The following PPARGC1A variants were observed in gnomAD, a reference collection of about 807,000 sequenced individuals.
PPARGC1A encodes peroxisome proliferator-activated receptor gamma coactivator 1-alpha.
PPARGC1A carries 25 observed loss-of-function variants against 88.7 expected under a neutral mutation model. The ratio of observed to expected loss-of-function variants is 0.28; its 90% confidence interval spans 0.21 to 0.39. The LOEUF (loss-of-function observed/expected upper bound fraction) is 0.39, where lower values mean the gene tolerates loss of function less well. Among genes scored for constraint, PPARGC1A ranks in the 10% least tolerant of loss-of-function variants. The probability of loss-of-function intolerance (pLI) is 1.00; values close to 1 mark genes in which losing one functional copy is unlikely to be tolerated. For synonymous variants in PPARGC1A, 363 were observed against 355.6 expected (o/e 1.02, Z -0.24); for missense variants, 880 against 968.7 (o/e 0.91, Z 1.22).
chr4:24,450,048 T>C, the PPARGC1A span, among the ~76,000 whole-genome samples: 1 of 152,180 alleles, frequency 6.6e-6, no homozygotes. Context: ...AACAAAGAAA[T>C]AAATGTGTTG....
chr4:24,180,371 G>C, the PPARGC1A span, among the ~76,000 whole-genome samples: 1 of 151,970 alleles, frequency 6.6e-6, no homozygotes, highest in African/African-American at 2.4e-5. Flanking sequence ...TCATAAACTG[G>C]TTACATTTTT....
chr4:24,075,095 C>G, the PPARGC1A span, among the ~76,000 whole-genome samples: 1 of 152,110 alleles, frequency 6.6e-6, no homozygotes, highest in East Asian at 1.9e-4. Context: ...AATTCTACAC[C>G]CTTTGCAGAA....
At chr4:24,149,867 CT>C in the PPARGC1A span, among the ~76,000 whole-genome samples, 1 of 152,170 alleles carries the variant, frequency 6.6e-6, no homozygotes, top group South Asian at 2.1e-4. Flanking sequence ...AAATCTAAAT[CT>C]AATTTTTCAT....
chr4:23,896,275 G>A (rs1460970994), intron 1 of PPARGC1A, among the ~76,000 whole-genome samples: 2 of 151,934 alleles, frequency 1.3e-5, no homozygotes, highest in African/African-American at 4.8e-5. Flanking sequence ...TTATAAACAT[G>A]CATGACTTTT....
intron 2 of PPARGC1A, among the ~76,000 whole-genome samples, chr4:23,873,208 AATAAAAAATAAAAAAT>A (rs1233748144): frequency 3.5e-5 from 5 of 140,986 alleles, no homozygotes; most frequent in East Asian, 2.1e-4. Flanking sequence ...AAAAATAAAA[AATAAAAAATAAAAAAT>A]AAAGAAAAAA....
the PPARGC1A span, among the ~76,000 whole-genome samples, chr4:24,148,940 T>C: frequency 4.6e-5 from 7 of 152,212 alleles, no homozygotes; most frequent in African/African-American, 1.7e-4. Flanking sequence ...ACACATGTGT[T>C]TGATTTATCT....
chr4:24,402,866 G>A, the PPARGC1A span, among the ~76,000 whole-genome samples: 19 of 152,200 alleles, frequency 1.2e-4, no homozygotes, highest in Non-Finnish European at 1.8e-4. Flanking sequence ...TAGATTGTAC[G>A]CCCTACTTGG....
the PPARGC1A span, among the ~76,000 whole-genome samples, chr4:23,930,374 A>G: frequency 6.6e-6 from 1 of 152,140 alleles, no homozygotes; most frequent in Admixed American, 6.5e-5. Flanking sequence ...TGTCAATCAT[A>G]TTGTGGGGAG....
chr4:24,418,225 T>C, the PPARGC1A span, among the ~76,000 whole-genome samples: 3 of 152,148 alleles, frequency 2.0e-5, no homozygotes, highest in Non-Finnish European at 4.4e-5. Flanking sequence ...CCCCACCCCA[T>C]AGAACTTGGC....
At chr4:24,384,061 A>G in the PPARGC1A span, among the ~76,000 whole-genome samples, 1 of 152,186 alleles carries the variant, frequency 6.6e-6, no homozygotes, top group African/African-American at 2.4e-5. Flanking sequence ...AAACCAGAAG[A>G]GAGTGGGGGC....
chr4:23,949,792 A>G, the PPARGC1A span, among the ~76,000 whole-genome samples: 1 of 152,166 alleles, frequency 6.6e-6, no homozygotes, highest in African/African-American at 2.4e-5. Flanking sequence ...CTGAGGCAGT[A>G]TCCACAAGTG....
chr4:24,137,879 CT>C, the PPARGC1A span, among the ~76,000 whole-genome samples: 1 of 152,170 alleles, frequency 6.6e-6, no homozygotes, highest in Non-Finnish European at 1.5e-5. Context: ...CGTTTCCCCC[CT>C]CAAACACAGG....
chr4:23,865,447 C>T lies in PPARGC1A; in HGVS notation c.234+19305G>A, dbSNP rs150057657. Among the ~76,000 whole-genome samples the T allele has an allele frequency of 5.6e-3, 857 of 152,210 alleles. 7 individuals carry two copies. The highest frequency in any genetic ancestry group is 8.3e-3 in the Non-Finnish European group (562 of 68,006). ...CAAGGGTAGTGATTGACACTTAGCACGGCCCCAATAAAATGTTTATGAGAA... is the reference window on the plus strand; with the variant it reads ...CAAGGGTAGTGATTGACACTTAGCATGGCCCCAATAAAATGTTTATGAGAA... On this transcript the variant is annotated intron_variant, in intron 2 of 12. Coordinates refer to ENST00000264867, the MANE Select transcript of PPARGC1A (RefSeq NM_013261.5).
At chr4:24,149,742 G>A in the PPARGC1A span, among the ~76,000 whole-genome samples, 132 of 152,266 alleles carry the variant, frequency 8.7e-4, no homozygotes, top group African/African-American at 1.2e-3. Flanking sequence ...AACAAATCCC[G>A]AGCAGCGTGG....
chr4:23,804,781 A>G lies in PPARGC1A; in HGVS notation c.2020-2436T>C, dbSNP rs547038068. On this transcript the variant is annotated intron_variant, in intron 10 of 12. Transcript: ENST00000264867. ...CCTTTGCACATGCTCTTTCCCTGCT[A>G]CTGGGACACCCTATTCACACTGCAC... Among the ~76,000 whole-genome samples, 4 of 152,234 alleles carry G rather than the reference A, an allele frequency of 2.6e-5. 1 individual carries two copies. The South Asian group carries it at 8.3e-4, about 32-fold the overall frequency.
At chr4:24,084,424 G>A in the PPARGC1A span, among the ~76,000 whole-genome samples, 1 of 152,244 alleles carries the variant, frequency 6.6e-6, no homozygotes, top group African/African-American at 2.4e-5. Context: ...GCTGATTCGT[G>A]AAGACAGTGA....
At chr4:24,285,887 AAGGCTATGGCCAC>A in the PPARGC1A span, among the ~76,000 whole-genome samples, 1 of 152,192 alleles carries the variant, frequency 6.6e-6, no homozygotes, top group African/African-American at 2.4e-5. Flanking sequence ...TCTCTTCTAG[AAGGCTATGGCCAC>A]AGTCAGCAGC....
At chr4:24,246,545 G>T in the PPARGC1A span, among the ~76,000 whole-genome samples, 1 of 152,136 alleles carries the variant, frequency 6.6e-6, no homozygotes, top group Non-Finnish European at 1.5e-5. Flanking sequence ...AGCCTGGAAG[G>T]TTCAAGGCTA....
chr4:23,917,614 C>T, the PPARGC1A span, among the ~76,000 whole-genome samples: 2 of 152,136 alleles, frequency 1.3e-5, no homozygotes, highest in African/African-American at 4.8e-5. Context: ...TGAGCCACCA[C>T]GCCCGGCTTT....
Sources: allele counts gnomAD v4.1 joint callset (sites outside exome capture counted in the v4.1 genomes callset), GRCh38; gene constraint gnomAD v4.1.1; transcripts MANE v1.5; gene names NCBI Gene and HGNC (gene_info 2026-07-23, HGNC 2026-07-21).